MKLN1: variants seen among roughly 807,000 people sequenced by gnomAD.
The protein encoded by MKLN1 is muskelin 1.
A neutral mutation model predicts 99.0 loss-of-function variants in MKLN1; 18 were observed. The ratio of observed to expected loss-of-function variants is 0.18; its 90% CI spans 0.13 to 0.27. The LOEUF (loss-of-function observed/expected upper bound fraction) is 0.27, where lower values mean the gene tolerates loss of function less well. Ranked by LOEUF, MKLN1 falls within the 10% of genes least tolerant of loss-of-function variation. The probability of loss-of-function intolerance (pLI) is 1.00; values close to 1 mark genes in which losing one functional copy is unlikely to be tolerated. For synonymous variants in MKLN1, 288 were observed against 293.2 expected, an observed-to-expected ratio of 0.98 and a Z score of 0.18; for missense variants, 621 against 875.9, an observed-to-expected ratio of 0.71 and a Z score of 3.67.
intron 9 of MKLN1, among the ~76,000 whole-genome samples, chr7:131,437,069 T>A (rs1234929302): frequency 1.3e-5 from 2 of 152,076 alleles, no homozygotes; most frequent in African/African-American, 4.8e-5. Context: ...GATTTTATTT[T>A]TTTTATTTTT....
intron 2 of MKLN1, among the ~76,000 whole-genome samples, chr7:131,168,518 C>T (rs1399121411): frequency 6.6e-6 from 1 of 152,158 alleles, no homozygotes; most frequent in Admixed American, 6.6e-5. Flanking sequence ...TACCCCTGTC[C>T]CCACTGGTAG....
intron 2 of MKLN1, among the ~76,000 whole-genome samples, chr7:131,155,209 G>T (rs1012660945): frequency 3.3e-5 from 5 of 152,012 alleles, no homozygotes; most frequent in African/African-American, 1.2e-4. Context: ...AAAATCCTGC[G>T]AAGTGCTCCT....
At chr7:131,383,408 C>T (rs1178858846) in intron 2 of MKLN1, among the ~76,000 whole-genome samples, 1 of 152,160 alleles carries the variant, frequency 6.6e-6, no homozygotes, top group Non-Finnish European at 1.5e-5. Flanking sequence ...TCCCAATTAA[C>T]CCCAGCCTTC....
intron 3 of MKLN1, among the ~76,000 whole-genome samples, chr7:131,388,317 A>G (rs1366916613): frequency 1.3e-5 from 2 of 152,248 alleles, no homozygotes; most frequent in Non-Finnish European, 2.9e-5. Flanking sequence ...TGACTTTCCC[A>G]TAAATCATTG....
In MKLN1 at chr7:131,310,945, A is replaced by G. The variant is rs187736296; in HGVS notation, c.-178-64479A>G. 2.8e-3 allele frequency among the ~76,000 whole-genome samples: 423 copies of G among 151,718 alleles called. 3 individuals are homozygous for G. Among genetic ancestry groups the G allele is most frequent in the African/African-American group, 9.8e-3 (408 of 41,568 alleles). The stretch of plus-strand genomic sequence containing the variant: ...ACCCAATTGTTATAAAGTATAAATA[A>G]ATAGCTCAAGGAAAAAAAGTTTTCT... On this transcript the variant is annotated intron_variant, in intron 3 of 7. Transcript: ENST00000416992.
intron 2 of MKLN1, among the ~76,000 whole-genome samples, chr7:131,183,416 T>C (rs2117496): frequency 0.098 from 14,880 of 152,166 alleles, 866 homozygotes; most frequent in South Asian, 0.17. Context: ...TCATTCCCTC[T>C]TGATCACCCA....
chr7:131,238,184 G>A (rs1000314198), intron 3 of MKLN1, among the ~76,000 whole-genome samples: 1 of 152,118 alleles, frequency 6.6e-6, no homozygotes, highest in Non-Finnish European at 1.5e-5. Flanking sequence ...CTATCTTGAA[G>A]AAGGCTCAGA....
intron 3 of MKLN1, among the ~76,000 whole-genome samples, chr7:131,277,142 T>G (rs1462533765): frequency 6.6e-6 from 1 of 152,128 alleles, no homozygotes; most frequent in African/African-American, 2.4e-5. Flanking sequence ...AATAAGTGGA[T>G]AAGAAGTTAA....
At chr7:131,237,260 C>A (rs1003558909) in intron 3 of MKLN1, among the ~76,000 whole-genome samples, 1 of 152,114 alleles carries the variant, frequency 6.6e-6, no homozygotes, top group South Asian at 2.1e-4. Context: ...CGTTTCCAGG[C>A]GGATTTACAT....
chr7:131,192,249 TATA>T (rs1390479418), intron 2 of MKLN1, among the ~76,000 whole-genome samples: 7 of 93,116 alleles, frequency 7.5e-5, no homozygotes, highest in South Asian at 6.8e-4. Context: ...ATATATAAAA[TATA>T]ATATATACAA....
intron 1 of MKLN1, among the ~76,000 whole-genome samples, chr7:131,118,339 AGGTC>A (rs1795309312): frequency 6.6e-6 from 1 of 152,174 alleles, no homozygotes; most frequent in African/African-American, 2.4e-5. Context: ...GAATCACCTG[AGGTC>A]AGGAGTTCGA....
At chr7:131,147,938 T>C (rs1326022728) in intron 2 of MKLN1, among the ~76,000 whole-genome samples, 1 of 152,234 alleles carries the variant, frequency 6.6e-6, no homozygotes, top group Non-Finnish European at 1.5e-5. Flanking sequence ...GGGAGGGCTA[T>C]GGTGAAGTCT....
chr7:131,365,669 C>T (rs2116817432), intron 1 of MKLN1, among the ~76,000 whole-genome samples: 1 of 152,226 alleles, frequency 6.6e-6, no homozygotes, highest in Non-Finnish European at 1.5e-5. Context: ...TATGGCTAGC[C>T]AGTTACCCCA....
intron 3 of MKLN1, among the ~76,000 whole-genome samples, chr7:131,289,788 G>C (rs749686129): frequency 3.3e-5 from 5 of 152,192 alleles, no homozygotes; most frequent in Admixed American, 2.0e-4. Context: ...AATGCTACTA[G>C]TAAGGGCTAT....
At chr7:131,392,199 A>AT in intron 4 of MKLN1, among the ~76,000 whole-genome samples, 1 of 152,322 alleles carries the variant, frequency 6.6e-6, no homozygotes, top group African/African-American at 2.4e-5. Flanking sequence ...GAGGGCAAAA[A>AT]GAGGTACAGG....
chr7:131,336,509 C>T (rs368994335), intron 1 of MKLN1, among the ~76,000 whole-genome samples: 38 of 151,978 alleles, frequency 2.5e-4, no homozygotes, highest in Admixed American at 1.6e-3. Flanking sequence ...TATTTTCTCT[C>T]CATTGTTGCC....
At chr7:131,443,775 TC>T (rs1254138616) in intron 11 of MKLN1, 73 bp downstream of exon 11, 41 of 1,147,102 alleles carry the variant, frequency 3.6e-5, no homozygotes, top group Middle Eastern at 2.1e-4. Flanking sequence ...AGTGGTGAAA[TC>T]TAATTCTTTA....
At position 131,313,548 on chromosome 7, in the gene MKLN1, C is replaced by T. The variant is rs774579225; in HGVS notation, c.-178-61876C>T. On this transcript the variant is annotated intron_variant, in intron 3 of 7. Transcript: ENST00000416992. The stretch of plus-strand genomic sequence containing the variant: ...TTATCTGTTCCACATGGCTGAAGCT[C>T]GTACTGAGTTTTAGAGAAAATGCAG... Among the ~76,000 whole-genome samples, 95 of 152,302 alleles carry T rather than the reference C, an allele frequency of 6.2e-4. 1 individual carries two copies. The highest frequency in any genetic ancestry group is 2.2e-3 in the African/African-American group (91 of 41,562).
At position 131,487,636 on chromosome 7, in the gene MKLN1, CAAAG is replaced by C; in HGVS notation, c.2119_2122del (p.Arg707LeufsTer7). 2 of 1,612,868 alleles carry C rather than the reference CAAAG, an allele frequency of 1.2e-6. No individual in the cohort carries two copies. Among genetic ancestry groups the C allele is most frequent in the Non-Finnish European group, 1.7e-6 (2 of 1,179,300 alleles). On this transcript the variant is annotated frameshift_variant, in exon 18 of 18. Coordinates refer to ENST00000352689, the MANE Select transcript of MKLN1 (RefSeq NM_013255.5). LOFTEE classifies it high-confidence loss of function. The surrounding 1 kb of genome is among the most constrained non-coding windows in gnomAD (Gnocchi z 4.7). ...TTCTGATGTGGATCACACCTATGCT[CAAAG>C]AACTCAGCTCTTTGACACCTTAGTA...
Sources: allele counts gnomAD v4.1 joint callset (sites outside exome capture counted in the v4.1 genomes callset), GRCh38; gene constraint gnomAD v4.1.1; non-coding constraint Gnocchi (gnomAD v3.1); transcripts MANE v1.5; gene names NCBI Gene and HGNC (gene_info 2026-07-23, HGNC 2026-07-21).